SMOC2: variants seen among roughly 807,000 people sequenced by gnomAD.
The protein encoded by SMOC2 is SPARC-related modular calcium-binding protein 2.
In SMOC2, 39 loss-of-function variants were observed where a neutral mutation model predicts 61.4. That is an observed-to-expected ratio of 0.64 (90% CI 0.49 to 0.83). The LOEUF is 0.83. Ranked by LOEUF, SMOC2 falls within the 40% of genes least tolerant of loss-of-function variation. The pLI is 0.00. For synonymous variants in SMOC2, 247 were observed against 239.9 expected, an observed-to-expected ratio of 1.03 and a Z score of -0.27; for missense variants, 556 against 592.9, an observed-to-expected ratio of 0.94 and a Z score of 0.65.
At chr6:168,501,486 C>T (rs899347366) in intron 1 of SMOC2, among the ~76,000 whole-genome samples, 4 of 151,692 alleles carry the variant, frequency 2.6e-5, no homozygotes, top group South Asian at 2.1e-4. Flanking sequence ...TCCCTCGCCA[C>T]GGGGCCAGGA....
chr6:168,441,447 C>T lies in SMOC2; in HGVS notation c.77C>T (p.Ala26Val), dbSNP rs922656607. The change falls in exon 1 of 13, where the codon GCG becomes GTG. Residue 26 changes from alanine to valine, a missense_variant. Ala to Val is a moderately conservative substitution (Grantham distance 64). Coordinates refer to ENST00000356284, the MANE Select transcript of SMOC2 (RefSeq NM_001166412.2). ...LPPVPAQKFSALTFLRVDQDK... is the reference protein window; with the variant it reads ...LPPVPAQKFSVLTFLRVDQDK... ...CCGGTGCCCGCTCAGAAGTTCTCGGCGCTCACGGTAAGCCCGGGCCCGCGG... is the reference window on the plus strand; with the variant it reads ...CCGGTGCCCGCTCAGAAGTTCTCGGTGCTCACGGTAAGCCCGGGCCCGCGG... 3.9e-5 allele frequency: 59 copies of T among 1,507,248 alleles called. No homozygotes were observed. The highest frequency in any genetic ancestry group is 5.2e-5 in the Non-Finnish European group (59 of 1,131,966). 93.4% of individuals were successfully genotyped at this position (1,507,248 alleles called of 1,614,324 possible).
At chr6:168,579,341 C>T (rs1393293905) in intron 7 of SMOC2, among the ~76,000 whole-genome samples, 1 of 152,224 alleles carries the variant, frequency 6.6e-6, no homozygotes, top group Admixed American at 6.5e-5. Flanking sequence ...GCTTATGCCG[C>T]CTGTCACAGT....
chr6:168,656,770 CTG>C (rs957820868), intron 11 of SMOC2, among the ~76,000 whole-genome samples: 37 of 152,158 alleles, frequency 2.4e-4, no homozygotes, highest in Admixed American at 5.2e-4. Context: ...GCTAATTTCT[CTG>C]TGAAAAGTCA....
chr6:168,616,336 C>T (rs1198387454), intron 9 of SMOC2, among the ~76,000 whole-genome samples: 1 of 152,176 alleles, frequency 6.6e-6, no homozygotes, highest in African/African-American at 2.4e-5. Context: ...ACCAGCTGCT[C>T]AGGGCACAGG....
rs895160179 is a variant in SMOC2, at chr6:168,592,098, G to C, written c.638-6720G>C. On this transcript the variant is annotated intron_variant, in intron 7 of 12. Transcript: ENST00000356284. ...CTTGACATTTCCACCTTGGTGTCCT[G>C]TGTCTACCGGTCCCTGTGTGGTCCT... is the stretch of plus-strand genomic sequence containing the variant. 8.5e-5 allele frequency among the ~76,000 whole-genome samples: 13 copies of C among 152,306 alleles called. No homozygotes were observed. In the East Asian group the frequency reaches 2.5e-3, roughly 29 times the overall value.
At chr6:168,521,566 A>C (rs1783330697) in intron 2 of SMOC2, among the ~76,000 whole-genome samples, 1 of 152,244 alleles carries the variant, frequency 6.6e-6, no homozygotes, top group Non-Finnish European at 1.5e-5. Context: ...TTGCACAATT[A>C]ACTATCATTA....
chr6:168,618,765 C>T (rs889987919), intron 9 of SMOC2, among the ~76,000 whole-genome samples: 3 of 152,174 alleles, frequency 2.0e-5, no homozygotes, highest in South Asian at 2.1e-4. Flanking sequence ...CCAGCTTAGG[C>T]GATGGGGAAG....
At chr6:168,664,861 C>A (rs1787620490) in intron 12 of SMOC2, 1 of 467,640 alleles carries the variant, frequency 2.1e-6, no homozygotes, top group Non-Finnish European at 4.4e-6. Flanking sequence ...ATCCCCACTT[C>A]TTTGCTGCCG....
chr6:168,631,374 G>A (rs1474713982), intron 9 of SMOC2, among the ~76,000 whole-genome samples: 1 of 152,216 alleles, frequency 6.6e-6, no homozygotes, highest in Non-Finnish European at 1.5e-5. Context: ...TGGGTTTGAA[G>A]TAGGTACACA....
chr6:168,643,465 G>C (rs1449175560), intron 9 of SMOC2, among the ~76,000 whole-genome samples: 1 of 152,122 alleles, frequency 6.6e-6, no homozygotes, highest in Non-Finnish European at 1.5e-5. Flanking sequence ...CTGGGACGCA[G>C]GGTCTTCGTG....
intron 4 of SMOC2, among the ~76,000 whole-genome samples, chr6:168,529,776 T>C (rs1288741350): frequency 6.6e-6 from 1 of 152,208 alleles, no homozygotes; most frequent in Non-Finnish European, 1.5e-5. Flanking sequence ...GAAAGTTATA[T>C]AATGCAGAGA....
At chr6:168,503,420 G>A (rs549782867) in intron 1 of SMOC2, among the ~76,000 whole-genome samples, 1 of 152,146 alleles carries the variant, frequency 6.6e-6, no homozygotes, top group African/African-American at 2.4e-5. Context: ...CTTACGTCAC[G>A]TCTCCACAGT....
rs1254082928 is a variant in SMOC2 at position 168,553,277 on chromosome 6, C to T, written c.637+4074C>T. 6.6e-6 allele frequency among the ~76,000 whole-genome samples: 1 copy of T among 152,118 alleles called. No homozygotes were observed. The highest frequency in any genetic ancestry group is 1.5e-5 in the Non-Finnish European group (1 of 68,022). On this transcript the variant is annotated intron_variant, in intron 7 of 12. Transcript: ENST00000356284. This position sits in a 1 kb window ranked among gnomAD's most constrained non-coding sequence, Gnocchi z 4.2. ...GCCTGTTACTTAAAAGTGCATTACT[C>T]AGTTTTTCCCATCAATATAAAATTG...
chr6:168,469,980 A>G (rs955087239), intron 1 of SMOC2, among the ~76,000 whole-genome samples: 9 of 152,164 alleles, frequency 5.9e-5, no homozygotes. Context: ...AAATATATTC[A>G]TTTTCCCAAA....
intron 1 of SMOC2, among the ~76,000 whole-genome samples, chr6:168,467,268 G>C (rs1230372171): frequency 6.6e-6 from 1 of 151,320 alleles, no homozygotes; most frequent in Non-Finnish European, 1.5e-5. Context: ...TGAACTCCTG[G>C]GCTCAACACT....
At chr6:168,618,765 C>G (rs889987919) in intron 9 of SMOC2, among the ~76,000 whole-genome samples, 1 of 152,174 alleles carries the variant, frequency 6.6e-6, no homozygotes, top group African/African-American at 2.4e-5. Flanking sequence ...CCAGCTTAGG[C>G]GATGGGGAAG....
chr6:168,442,972 A>C (rs1237521131), intron 1 of SMOC2, among the ~76,000 whole-genome samples: 1 of 152,262 alleles, frequency 6.6e-6, no homozygotes, highest in African/African-American at 2.4e-5. Flanking sequence ...ATGTATATGC[A>C]CATCTGTACA....
At chr6:168,525,114 G>A (rs1426957869) in intron 2 of SMOC2, among the ~76,000 whole-genome samples, 2 of 152,172 alleles carry the variant, frequency 1.3e-5, no homozygotes, top group East Asian at 1.9e-4. Flanking sequence ...CTGGAAATAC[G>A]TTTTTTAAAA....
chr6:168,445,616 A>G (rs1271803032), intron 1 of SMOC2, among the ~76,000 whole-genome samples: 1 of 152,144 alleles, frequency 6.6e-6, no homozygotes, highest in African/African-American at 2.4e-5. Flanking sequence ...CAAGGGAATT[A>G]CTGTGATTTT....
Sources: gnomAD v4.1 joint callset for allele counts (sites outside exome capture counted in the v4.1 genomes callset) on GRCh38, gnomAD v4.1.1 for gene constraint, Gnocchi (gnomAD v3.1) non-coding constraint, MANE v1.5 for transcripts, NCBI Gene and HGNC (gene_info 2026-07-23, HGNC 2026-07-21) for gene names.